The following PRKCH variants were observed in gnomAD, a reference collection of about 807,000 sequenced individuals.
PRKCH encodes protein kinase C eta type.
PRKCH carries 28 observed loss-of-function variants against 82.5 expected under a neutral mutation model. That is an observed-to-expected ratio of 0.34 (90% CI 0.25 to 0.47). The LOEUF is 0.47. Ranked by LOEUF, PRKCH falls within the 20% of genes least tolerant of loss-of-function variation. The pLI is 1.00. For missense variants in PRKCH, 705 were observed against 881.8 expected, an observed-to-expected ratio of 0.80 and a Z score of 2.54; for synonymous variants, 322 against 327.4, an observed-to-expected ratio of 0.98 and a Z score of 0.18.
intron 10 of PRKCH, among the ~76,000 whole-genome samples, chr14:61,509,532 G>A (rs1887287269): frequency 6.6e-6 from 1 of 152,090 alleles, no homozygotes; most frequent in South Asian, 2.1e-4. Flanking sequence ...GTAAGATATG[G>A]TACCATAAAT....
intron 1 of PRKCH, among the ~76,000 whole-genome samples, chr14:61,388,594 G>A (rs1209440848): frequency 2.6e-5 from 4 of 152,188 alleles, no homozygotes; most frequent in South Asian, 2.1e-4. Flanking sequence ...GTATGTGTAT[G>A]TATGTATTCT....
intron 2 of PRKCH, among the ~76,000 whole-genome samples, chr14:61,428,577 T>G (rs1594695387): frequency 6.6e-6 from 1 of 152,350 alleles, no homozygotes; most frequent in East Asian, 1.9e-4. Flanking sequence ...CTCTACCAGA[T>G]GCTGAGAATA....
At chr14:61,376,080 T>C (rs1040173660) in intron 1 of PRKCH, among the ~76,000 whole-genome samples, 2 of 151,616 alleles carry the variant, frequency 1.3e-5, no homozygotes, top group Non-Finnish European at 2.9e-5. Context: ...GTGGGTGTGG[T>C]ACTCAAGGCC....
chr14:61,396,094 A>AAAAAG (rs1229804661), intron 2 of PRKCH, among the ~76,000 whole-genome samples: 2 of 151,624 alleles, frequency 1.3e-5, no homozygotes, highest in African/African-American at 4.9e-5. Context: ...AAAAAAAAAA[A>AAAAAG]AAAAGAAAAG....
chr14:61,532,577 G>C (rs1472086177), intron 12 of PRKCH, among the ~76,000 whole-genome samples: 1 of 152,008 alleles, frequency 6.6e-6, no homozygotes, highest in Admixed American at 6.6e-5. Context: ...CTGAAACTAG[G>C]TATCATCCCC....
chr14:61,243,244 A>C (rs2044855130), intron 1 of PRKCH, among the ~76,000 whole-genome samples: 1 of 151,926 alleles, frequency 6.6e-6, no homozygotes, highest in Non-Finnish European at 1.5e-5. Flanking sequence ...CAAATACAAA[A>C]AAAATTCACC....
intron 1 of PRKCH, among the ~76,000 whole-genome samples, chr14:61,333,947 C>T (rs940155573): frequency 9.2e-5 from 14 of 152,112 alleles, no homozygotes; most frequent in African/African-American, 2.4e-4. Flanking sequence ...CTCCCATGGT[C>T]TGGGTCCCCG....
intron 10 of PRKCH, among the ~76,000 whole-genome samples, chr14:61,505,409 T>C (rs1436435058): frequency 1.8e-3 from 234 of 130,452 alleles, no homozygotes; most frequent in African/African-American, 6.6e-3. Context: ...TTTTTTTTTT[T>C]TTTTTTTTTT....
At chr14:61,416,257 T>C (rs930299082) in intron 2 of PRKCH, among the ~76,000 whole-genome samples, 3 of 151,898 alleles carry the variant, frequency 2.0e-5, no homozygotes, top group Admixed American at 6.6e-5. Context: ...GATTTTGCTA[T>C]TTGCCCAGGC....
Position 61,453,245 on chromosome 14 carries a change from T to A in PRKCH, c.852T>A (p.His284Gln). The A allele has an allele frequency of 6.2e-7, 1 of 1,614,216 alleles. No individual in the cohort carries two copies. Among genetic ancestry groups the A allele is most frequent in the Non-Finnish European group, 8.5e-7 (1 of 1,180,024 alleles). ...CTCTAGTATGTAAAATGAATGTGCATATTCGATGTCAAGCGAACGTGGCCC... is the reference window on the plus strand; with the variant it reads ...CTCTAGTATGTAAAATGAATGTGCAAATTCGATGTCAAGCGAACGTGGCCC... ...LQCKICKMNV[H>Q]IRCQANVAPN... Residue 284 changes from histidine to glutamine, a missense_variant, in exon 7 of 14, where the codon CAT becomes CAA. Physicochemically the swap from His to Gln is conservative, Grantham distance 24 (BLOSUM62 0). This residue lies in a region of PRKCH where 238 missense variants were observed against 258.1 expected (regional missense o/e 0.92). Transcript: ENST00000332981.
chr14:61,457,098 C>G (rs569095572), intron 7 of PRKCH, 78 bp from the exon 8 acceptor site: 1 of 1,516,126 alleles, frequency 6.6e-7, no homozygotes, highest in South Asian at 1.3e-5. Context: ...CTGCTCCCAG[C>G]CAATAAGGTC....
At chr14:61,239,311 G>T (rs997424110) in intron 1 of PRKCH, among the ~76,000 whole-genome samples, 1 of 152,178 alleles carries the variant, frequency 6.6e-6, no homozygotes, top group Admixed American at 6.5e-5. Flanking sequence ...TTCAAACCCC[G>T]AGAGCGGGCC....
chr14:61,331,916 T>A (rs1034115107), intron 1 of PRKCH, among the ~76,000 whole-genome samples: 1 of 152,264 alleles, frequency 6.6e-6, no homozygotes, highest in African/African-American at 2.4e-5. Flanking sequence ...GTGACTTGTA[T>A]AGCATCGCTA....
intron 1 of PRKCH, among the ~76,000 whole-genome samples, chr14:61,372,571 GAACT>G (rs2046376296): frequency 6.6e-6 from 1 of 152,010 alleles, no homozygotes; most frequent in African/African-American, 2.4e-5. Flanking sequence ...TTATGAGAAA[GAACT>G]TTATTGGCTA....
At chr14:61,541,269 G>A (rs905813753) in intron 12 of PRKCH, among the ~76,000 whole-genome samples, 4 of 152,258 alleles carry the variant, frequency 2.6e-5, no homozygotes, top group African/African-American at 4.8e-5. Context: ...ACAGACACGC[G>A]CCTGCAACAC....
intron 10 of PRKCH, among the ~76,000 whole-genome samples, chr14:61,512,614 A>G (rs1343551607): frequency 2.0e-5 from 3 of 152,174 alleles, no homozygotes; most frequent in Non-Finnish European, 4.4e-5. Flanking sequence ...TACCCAAAGC[A>G]TCAAATGAGC....
At chr14:61,334,300 A>G (rs915236831) in intron 1 of PRKCH, among the ~76,000 whole-genome samples, 1 of 152,172 alleles carries the variant, frequency 6.6e-6, no homozygotes, top group Admixed American at 6.5e-5. Context: ...GCCCTAGCAC[A>G]GGGAGGTGGA....
intron 10 of PRKCH, among the ~76,000 whole-genome samples, chr14:61,513,896 A>C (rs1373352242): frequency 2.6e-5 from 4 of 152,060 alleles, no homozygotes; most frequent in African/African-American, 9.7e-5. Flanking sequence ...TGATGTGAGA[A>C]ATGTGGAGGG....
intron 1 of PRKCH, among the ~76,000 whole-genome samples, chr14:61,208,787 G>A (rs1456217135): frequency 6.6e-6 from 1 of 152,126 alleles, no homozygotes; most frequent in Non-Finnish European, 1.5e-5. Flanking sequence ...AATACACAAA[G>A]TTCAATTACC....
Sources: gnomAD v4.1 joint callset for allele counts (sites outside exome capture counted in the v4.1 genomes callset) on GRCh38, gnomAD v4.1.1 for gene constraint, gnomAD v4.1.1 regional missense constraint, MANE v1.5 for transcripts, NCBI Gene and HGNC (gene_info 2026-07-23, HGNC 2026-07-21) for gene names.